The following LIPI variants were observed in gnomAD, a reference collection of about 807,000 sequenced individuals.
The protein encoded by LIPI is lipase I.
In LIPI, 59 loss-of-function variants were observed where a neutral mutation model predicts 50.6. That is an observed-to-expected ratio of 1.16 (90% CI 0.94 to 1.45). The LOEUF (loss-of-function observed/expected upper bound fraction) is 1.45, where lower values mean the gene tolerates loss of function less well. Ranked by LOEUF, LIPI falls within the 40% of genes most tolerant of loss-of-function variation. The probability of loss-of-function intolerance (pLI) is 0.00; values close to 1 mark genes in which losing one functional copy is unlikely to be tolerated. For missense variants in LIPI, 586 were observed against 536.3 expected (o/e 1.09, Z -0.92); for synonymous variants, 203 against 178.2 (o/e 1.14, Z -1.11).
At chr21:14,127,767 T>G (rs576708098) in intron 9 of LIPI, among the ~76,000 whole-genome samples, 1 of 152,274 alleles carries the variant, frequency 6.6e-6, no homozygotes, top group Non-Finnish European at 1.5e-5. Context: ...ACCAACATTC[T>G]GTACTAAGGT....
At chr21:14,147,245 AC>A (rs1210349253) in intron 8 of LIPI, among the ~76,000 whole-genome samples, 2 of 152,184 alleles carry the variant, frequency 1.3e-5, no homozygotes, top group African/African-American at 4.8e-5. Flanking sequence ...CAATAGAGAA[AC>A]TTTTAGTCAC....
chr21:14,135,569 A>T (rs1474610920), intron 9 of LIPI, among the ~76,000 whole-genome samples: 2 of 152,124 alleles, frequency 1.3e-5, no homozygotes, highest in South Asian at 4.1e-4. Context: ...GAAAAACCAG[A>T]TCAAACTCAG....
intron 4 of LIPI, among the ~76,000 whole-genome samples, chr21:14,176,946 G>T (rs904906069): frequency 6.6e-6 from 1 of 152,066 alleles, no homozygotes; most frequent in Non-Finnish European, 1.5e-5. Context: ...TTAAGGCTCA[G>T]TATATGCTTA....
intron 8 of LIPI, among the ~76,000 whole-genome samples, chr21:14,152,346 T>C (rs143034381): frequency 2.6e-3 from 391 of 152,230 alleles, no homozygotes; most frequent in Middle Eastern, 6.8e-3. Context: ...CTTAGAACTT[T>C]TAAAGTCACT....
At chr21:14,181,695 G>T (rs927255462) in intron 4 of LIPI, 63 bp downstream of exon 4, 3 of 946,062 alleles carry the variant, frequency 3.2e-6, no homozygotes, top group Non-Finnish European at 3.4e-6. Context: ...CCCTCCTCTT[G>T]CCCAAGGTCT....
chr21:14,129,814 A>ATTTTT (rs1332506037), intron 9 of LIPI, among the ~76,000 whole-genome samples: 10 of 141,384 alleles, frequency 7.1e-5, no homozygotes, highest in Non-Finnish European at 1.3e-4. Context: ...TTTTTTAAAA[A>ATTTTT]AAAAAAAAGC....
At chr21:14,184,788 A>C (rs1306165488) in intron 3 of LIPI, among the ~76,000 whole-genome samples, 1 of 152,208 alleles carries the variant, frequency 6.6e-6, no homozygotes, top group African/African-American at 2.4e-5. Flanking sequence ...GCACTAGGGA[A>C]CTTTGTATAA....
chr21:14,118,319 C>T (rs1252960144), intron 9 of LIPI, among the ~76,000 whole-genome samples: 3 of 152,064 alleles, frequency 2.0e-5, no homozygotes, highest in Admixed American at 2.0e-4. Flanking sequence ...GTGCTGAACA[C>T]TCGGTTGTGA....
Position 14,147,740 on chromosome 21 carries a change from C to T in LIPI, c.1119-2941G>A, listed in dbSNP as rs2017955937. 2.6e-5 allele frequency among the ~76,000 whole-genome samples: 4 copies of T among 152,110 alleles called. No individual in the cohort carries two copies. In the South Asian group the frequency reaches 8.3e-4, roughly 32 times the overall value. ...TTTTAAATAGTCACAAAGCTCAAAA[C>T]TTGAAGTCACTCTAGATTGGTTTCT... On this transcript the variant is annotated intron_variant, in intron 8 of 9. Coordinates refer to ENST00000681601, the MANE Select transcript of LIPI (RefSeq NM_001302998.2).
chr21:14,200,205 C>T (rs567751756), intron 1 of LIPI, among the ~76,000 whole-genome samples: 1 of 152,052 alleles, frequency 6.6e-6, no homozygotes, highest in South Asian at 2.1e-4. Context: ...ACAAGGATAC[C>T]CTCTCTCACC....
At chr21:14,180,103 G>A (rs1489920925) in intron 4 of LIPI, among the ~76,000 whole-genome samples, 2 of 152,120 alleles carry the variant, frequency 1.3e-5, no homozygotes, top group African/African-American at 2.4e-5. Flanking sequence ...ATGTGGTTGA[G>A]ATAAAGACTG....
chr21:14,184,702 G>A (rs376426781), intron 3 of LIPI, among the ~76,000 whole-genome samples: 3 of 152,230 alleles, frequency 2.0e-5, no homozygotes, highest in East Asian at 3.9e-4. Flanking sequence ...GGCCATTCAA[G>A]CTAGACTAAT....
rs115502912 is a variant in LIPI, at chr21:14,209,177, A to G, written c.46+1623T>C. 5.7e-3 allele frequency among the ~76,000 whole-genome samples: 871 copies of G among 152,330 alleles called. 7 individuals carry two copies. The highest frequency in any genetic ancestry group is 0.019 in the African/African-American group (799 of 41,576). On this transcript the variant is annotated intron_variant, in intron 1 of 9. Coordinates refer to ENST00000681601, the MANE Select transcript of LIPI (RefSeq NM_001302998.2). ...ATGCATATATGCATATAATTTGAATATACAGATACATAGATGTACTGTATA... is the reference window on the plus strand; with the variant it reads ...ATGCATATATGCATATAATTTGAATGTACAGATACATAGATGTACTGTATA...
chr21:14,200,159 A>G (rs2020002376), intron 1 of LIPI, among the ~76,000 whole-genome samples: 1 of 152,150 alleles, frequency 6.6e-6, no homozygotes, highest in Admixed American at 6.6e-5. Flanking sequence ...CTAAATGTGT[A>G]AAAGCTGAAA....
chr21:14,182,063 TTTTC>T (rs1568872662), intron 3 of LIPI, among the ~76,000 whole-genome samples: 3 of 152,316 alleles, frequency 2.0e-5, no homozygotes, highest in Non-Finnish European at 4.4e-5. Flanking sequence ...CCTTCAGAGC[TTTTC>T]AGGTTAAGCC....
At chr21:14,194,658 G>C (rs1373164129) in intron 1 of LIPI, among the ~76,000 whole-genome samples, 1 of 152,006 alleles carries the variant, frequency 6.6e-6, no homozygotes, top group African/African-American at 2.4e-5. Context: ...GGGGAAATGA[G>C]GAGTTATATT....
intron 8 of LIPI, among the ~76,000 whole-genome samples, chr21:14,149,020 T>C (rs1401936508): frequency 2.0e-5 from 3 of 152,208 alleles, no homozygotes; most frequent in African/African-American, 7.2e-5. Context: ...ACATCTGTTC[T>C]AGGCCTGTGT....
intron 4 of LIPI, among the ~76,000 whole-genome samples, chr21:14,176,837 G>A (rs545474126): frequency 7.3e-5 from 11 of 150,848 alleles, no homozygotes; most frequent in Middle Eastern, 3.4e-3. Context: ...TGTGCACTAC[G>A]TGCAGGTTTG....
At chr21:14,203,631 C>A (rs892796328) in intron 1 of LIPI, among the ~76,000 whole-genome samples, 5 of 151,994 alleles carry the variant, frequency 3.3e-5, no homozygotes, top group African/African-American at 1.2e-4. Flanking sequence ...GGGAATTGAA[C>A]AATGAGAACA....
Sources: allele counts gnomAD v4.1 joint callset (sites outside exome capture counted in the v4.1 genomes callset), GRCh38; gene constraint gnomAD v4.1.1; transcripts MANE v1.5; gene names NCBI Gene and HGNC (gene_info 2026-07-23, HGNC 2026-07-21).